CALY: variants seen among roughly 807,000 people sequenced by gnomAD.
CALY encodes the protein neuron-specific vesicular protein calcyon.
In CALY, 15 loss-of-function variants were observed where a neutral mutation model predicts 20.2. The observed-to-expected ratio is 0.74, with a 90% CI of 0.50 to 1.14. The LOEUF (loss-of-function observed/expected upper bound fraction) is 1.14, where lower values mean the gene tolerates loss of function less well. Among genes scored for constraint, CALY ranks in the 50% most tolerant of loss-of-function variants. The probability of loss-of-function intolerance (pLI) is 0.00; values close to 1 mark genes in which losing one functional copy is unlikely to be tolerated. For synonymous variants in CALY, 129 were observed against 131.8 expected (o/e 0.98, Z 0.15); for missense variants, 270 against 304.4 (o/e 0.89, Z 0.84).
At chr10:133,332,239 C>T (rs534318922) in intron 1 of CALY, among the ~76,000 whole-genome samples, 3 of 152,164 alleles carry the variant, frequency 2.0e-5, no homozygotes, top group Admixed American at 6.5e-5. Flanking sequence ...AAAAGTCCCA[C>T]GTGACACACT....
Position 133,327,921 on chromosome 10 carries a change from G to A in CALY, c.230C>T (p.Pro77Leu). 2 of 1,611,338 alleles carry A rather than the reference G, an allele frequency of 1.2e-6. No homozygotes were observed. Among genetic ancestry groups the A allele is most frequent in the Non-Finnish European group, 1.7e-6 (2 of 1,178,110 alleles). ...TGTGGTTACCCTGCGCCCTTCCTCT[G>A]GGTGGCTGCAGTTCAGCCTCTGGCC... is the stretch of plus-strand genomic sequence containing the variant. Reference protein sequence around the residue: ...LEGQRLNCSHPEEGRRLPTAR... With the variant: ...LEGQRLNCSHLEEGRRLPTAR... The change falls in exon 3 of 6, where the codon CCA (proline) becomes CTA (leucine). Residue 77 changes from proline (P) to leucine (L), a missense_variant. Physicochemically the swap from Pro to Leu is moderately conservative, Grantham distance 98 (BLOSUM62 -3). Transcript: ENST00000252939.
Position 133,326,965 on chromosome 10 carries a change from G to A in CALY, c.273C>T (p.Phe91=), listed in dbSNP as rs761706282. 43 of 1,609,906 alleles carry A rather than the reference G, an allele frequency of 2.7e-5. No individual in the cohort carries two copies. Among genetic ancestry groups the A allele is most frequent in the Non-Finnish European group, 3.4e-5 (40 of 1,179,100 alleles). ...RRLPTARMIA[F]AMALLGCVLI... Reference sequence around the variant, plus strand: ...GCACGCAGCCCAGTAGCGCCATGGCGAAGGCGATCATCCGTGCGGTGGGCA... The same window carrying A: ...GCACGCAGCCCAGTAGCGCCATGGCAAAGGCGATCATCCGTGCGGTGGGCA... Residue 91 remains phenylalanine (F), a synonymous_variant, in exon 4 of 6, where the codon TTC becomes TTT. Transcript: ENST00000252939.
intron 1 of CALY, among the ~76,000 whole-genome samples, chr10:133,336,287 G>A (rs1306314868): frequency 6.6e-6 from 1 of 152,152 alleles, no homozygotes; most frequent in East Asian, 1.9e-4. Flanking sequence ...CCTGCTGCAG[G>A]TGGTTCCGGA....
intron 4 of CALY, chr10:133,326,462 C>A: frequency 1.8e-6 from 1 of 555,566 alleles, no homozygotes; most frequent in East Asian, 2.9e-5. Flanking sequence ...AAAAGGCTTT[C>A]TAAAAACACA....
chr10:133,325,947 C>G lies in CALY; in HGVS notation c.534G>C (p.Gly178=). Residue 178 remains glycine (G), a synonymous_variant, in exon 5 of 6, where the codon GGG becomes GGC. Coordinates refer to ENST00000252939, the MANE Select transcript of CALY (RefSeq NM_015722.4). The stretch of plus-strand genomic sequence containing the variant: ...CCGCCGCCGCCCCAGCCTGGGTGGG[C>G]CCCTTGCGCTCCTCCTTGGCTGCGC... ...GYRAAKEERK[G]PTQAGAAAAA... The G allele has an allele frequency of 6.8e-7, 1 of 1,464,272 alleles. No individual in the cohort carries two copies. Among genetic ancestry groups the G allele is most frequent in the Admixed American group, 2.2e-5 (1 of 44,520 alleles). The allele number at this position is 1,464,272 out of a possible 1,614,324, so 90.7% of individuals were successfully genotyped here. A position where few individuals can be genotyped will look rare whatever the true frequency, so the allele number is the denominator to read the frequency against.
At position 133,325,806 on chromosome 10, in the gene CALY, C is replaced by G. The variant is rs968392171; in HGVS notation, c.*21G>C. 4.2e-6 allele frequency: 5 copies of G among 1,189,582 alleles called. No individual in the cohort carries two copies. Among genetic ancestry groups the G allele is most frequent in the Admixed American group, 4.4e-5 (1 of 22,606 alleles). The allele number at this position is 1,189,582 out of a possible 1,614,324, so 73.7% of individuals were successfully genotyped here. On this transcript the variant is annotated 3_prime_UTR_variant, in exon 5 of 6. Transcript: ENST00000252939. The stretch of plus-strand genomic sequence containing the variant: ...CCCGCGGCGCGCACCTACCCCGGGC[C>G]GGGCTGCGGGGCTGGAGACGTCACT...
Position 133,328,913 on chromosome 10 carries a change from C to G in CALY, c.77G>C (p.Ser26Thr). The G allele has an allele frequency of 6.4e-7, 1 of 1,555,226 alleles. No individual in the cohort carries two copies. Among genetic ancestry groups the G allele is most frequent in the Non-Finnish European group, 8.7e-7 (1 of 1,149,450 alleles). Residue 26 changes from serine to threonine, a missense_variant, in exon 2 of 6, where the codon AGT becomes ACT. Coordinates refer to ENST00000252939, the MANE Select transcript of CALY (RefSeq NM_015722.4). ...GTCCAAGGGGCTGATCAGAGGCACA[C>G]TGTCCATGGCAGCCCCATCCTGGTC... Reference protein sequence around the residue: ...PGDQDGAAMDSVPLISPLDIS... With the variant: ...PGDQDGAAMDTVPLISPLDIS...
chr10:133,324,481 T>C lies in CALY; in HGVS notation c.*1114A>G. The C allele has an allele frequency of 2.3e-6, 1 of 430,002 alleles. No individual in the cohort carries two copies. Among genetic ancestry groups the C allele is most frequent in the East Asian group, 7.5e-5 (1 of 13,334 alleles). The allele number at this position is 430,002 out of a possible 1,614,324, so 26.6% of individuals were successfully genotyped here. ...GGTCGGGGGCTGGGGTGGGCGGGGC[T>C]GCAGAGCCGCTGCTGGCTGGGGTGG... is the stretch of plus-strand genomic sequence containing the variant. On this transcript the variant is annotated 3_prime_UTR_variant, in exon 6 of 6. Coordinates refer to ENST00000252939, the MANE Select transcript of CALY (RefSeq NM_015722.4).
intron 4 of CALY, among the ~76,000 whole-genome samples, chr10:133,326,515 AAAG>A (rs1022271770): frequency 4.6e-5 from 7 of 152,338 alleles, no homozygotes; most frequent in African/African-American, 1.4e-4. Flanking sequence ...TTAAAAAAAA[AAAG>A]GATGGAAGAA....
intron 1 of CALY, among the ~76,000 whole-genome samples, chr10:133,329,273 G>A (rs557976115): frequency 1.3e-5 from 2 of 152,208 alleles, no homozygotes; most frequent in East Asian, 1.9e-4. Flanking sequence ...GACTGTCCAC[G>A]AAGCAGGGGG....
intron 5 of CALY, 115 bp downstream of exon 5, chr10:133,325,683 CG>C (rs1174733848): frequency 2.2e-6 from 1 of 464,884 alleles, no homozygotes. Flanking sequence ...TCTGGCGGGC[CG>C]GGTCGGAGGG....
intron 1 of CALY, among the ~76,000 whole-genome samples, chr10:133,335,253 C>T (rs1370274017): frequency 6.6e-6 from 1 of 152,068 alleles, no homozygotes; most frequent in Non-Finnish European, 1.5e-5. Context: ...CCCAGCCTCT[C>T]TACAGACGGG....
Position 133,326,922 on chromosome 10 carries a change from T to A in CALY, c.316A>T (p.Ile106Phe), listed in dbSNP as rs577131611. 1.2e-6 allele frequency: 2 copies of A among 1,611,196 alleles called. No homozygotes were observed. The highest frequency in any genetic ancestry group is 2.2e-5 in the South Asian group (2 of 90,242). ...GGGCAGGTGAACTGGTCGTACCAGA[T>A]GGCCTTGTACATGATCAGCACGCAG... ...LGCVLIMYKA[I>F]WYDQFTCPDG... Residue 106 changes from isoleucine (I) to phenylalanine (F), a missense_variant, in exon 4 of 6, where the codon ATC (isoleucine) becomes TTC (phenylalanine). By Grantham distance (21) the Ile-to-Phe change is conservative. Transcript: ENST00000252939.
intron 1 of CALY, among the ~76,000 whole-genome samples, chr10:133,329,389 C>CTTTTTTTTTTT (rs1325679515): frequency 3.0e-5 from 3 of 99,614 alleles, no homozygotes; most frequent in African/African-American, 8.1e-5. Context: ...TCTTCTTCTT[C>CTTTTTTTTTTT]TTCTTTTTTT....
chr10:133,330,520 C>T (rs1214762701), intron 1 of CALY, among the ~76,000 whole-genome samples: 1 of 140,164 alleles, frequency 7.1e-6, no homozygotes, highest in South Asian at 2.5e-4. Context: ...TAGCCGGGCG[C>T]GGTGGCGGGC....
At position 133,326,066 on chromosome 10, in the gene CALY, C is replaced by T. The variant is rs149764782; in HGVS notation, c.415G>A (p.Glu139Lys). The T allele has an allele frequency of 4.0e-3, 6,356 of 1,599,394 alleles. 29 individuals are homozygous for T. The highest frequency in any genetic ancestry group is 3.7e-3 in the Non-Finnish European group (4,371 of 1,172,132). ...LEMYYTEMDP[E>K]RHRSILAAIG... ...GCCGCCAGGATGCTGCGGTGGCGCT[C>T]GGGGTCCATCTCCGTGTAGTACATC... Residue 139 changes from glutamate (E) to lysine (K), a missense_variant, in exon 5 of 6, where the codon GAG becomes AAG. By Grantham distance (56) the Glu-to-Lys change is moderately conservative (BLOSUM62 1). Transcript: ENST00000252939.
intron 4 of CALY, chr10:133,326,447 T>A (rs1373519111): frequency 3.9e-5 from 22 of 568,162 alleles, no homozygotes; most frequent in Non-Finnish European, 6.6e-5. Context: ...TTACTTCTGA[T>A]AAATAAAAGG....
chr10:133,332,070 C>T (rs566552693), intron 1 of CALY, among the ~76,000 whole-genome samples: 14 of 151,326 alleles, frequency 9.3e-5, no homozygotes, highest in African/African-American at 2.9e-4. Flanking sequence ...GAGGTTGCAG[C>T]GAGCTGAGAT....
intron 1 of CALY, among the ~76,000 whole-genome samples, chr10:133,333,630 G>C (rs548286393): frequency 6.7e-6 from 1 of 148,886 alleles, no homozygotes. Flanking sequence ...GGCTCTGAGG[G>C]GGAAAGATCT....
Sources: gnomAD v4.1 joint callset for allele counts (sites outside exome capture counted in the v4.1 genomes callset) on GRCh38, gnomAD v4.1.1 for gene constraint, MANE v1.5 for transcripts, NCBI Gene and HGNC (gene_info 2026-07-23, HGNC 2026-07-21) for gene names.